Variants in PLBD2 observed in about 807,000 individuals in gnomAD.
The protein encoded by PLBD2 is phospholipase B domain containing 2.
PLBD2 carries 51 observed loss-of-function variants against 68.3 expected under a neutral mutation model. The ratio of observed to expected loss-of-function variants is 0.75; its 90% CI spans 0.60 to 0.94. The LOEUF (loss-of-function observed/expected upper bound fraction) is 0.94. Ranked by LOEUF, PLBD2 falls within the 40% of genes least tolerant of loss-of-function variation. The probability of loss-of-function intolerance (pLI) is 0.00; values close to 1 mark genes in which losing one functional copy is unlikely to be tolerated. For missense variants in PLBD2, 729 were observed against 792.2 expected, an observed-to-expected ratio of 0.92 and a Z score of 0.96; for synonymous variants, 314 against 339.3, an observed-to-expected ratio of 0.93 and a Z score of 0.82.
At position 113,384,208 on chromosome 12, in the gene PLBD2, G is replaced by A. The variant is rs776623243; in HGVS notation, c.1061G>A (p.Arg354His). Residue 354 changes from arginine (R) to histidine (H), a missense_variant, in exon 7 of 12, where the codon CGC becomes CAC. Physicochemically the swap from Arg to His is conservative, Grantham distance 29. Transcript: ENST00000280800. This position sits in a 1 kb window ranked among gnomAD's most constrained non-coding sequence, Gnocchi z 4.2. The stretch of plus-strand genomic sequence containing the variant: ...TGGGTACGCAACATCGTGGCCAACC[G>A]CCTGGCCTCGGATGGGGCCACCTGG... ...LEWVRNIVAN[R>H]LASDGATWAD... 46 of 1,613,876 alleles carry A rather than the reference G, an allele frequency of 2.9e-5. No individual in the cohort carries two copies. In the Middle Eastern group the frequency reaches 8.2e-4, roughly 29 times the overall value.
At chr12:113,370,801 T>G (rs1358763506) in intron 2 of PLBD2, among the ~76,000 whole-genome samples, 1 of 152,196 alleles carries the variant, frequency 6.6e-6, no homozygotes, top group Admixed American at 6.5e-5. Context: ...TATCAGGCAT[T>G]GATGACCACT....
rs1957401743 is a variant in PLBD2 at position 113,372,885 on chromosome 12, CT to C, written c.543+80del. ...CCTGTCTCCTGTTGTTCTGGCCAGC[CT>C]TGTGGCATGTCCAGCTGCCCAGCCG... On this transcript the variant is annotated intron_variant, in intron 3 of 11. Coordinates refer to ENST00000280800, the MANE Select transcript of PLBD2 (RefSeq NM_173542.4). The surrounding 1 kb of genome is among the most constrained non-coding windows in gnomAD (Gnocchi z 4.2). The C allele has an allele frequency of 6.6e-7, 1 of 1,526,306 alleles. No homozygotes were observed. 94.5% of individuals were successfully genotyped at this position (1,526,306 alleles called of 1,614,324 possible).
intron 1 of PLBD2, among the ~76,000 whole-genome samples, chr12:113,363,034 G>C (rs538364748): frequency 6.6e-6 from 1 of 151,640 alleles, no homozygotes; most frequent in Non-Finnish European, 1.5e-5. Flanking sequence ...GACGTCAGGT[G>C]ATCTGCCCAC....
rs1957609234 is a variant in PLBD2, at chr12:113,391,354, A to G, written c.*2728A>G. ...ATCTGTGAAATGGGGTAATGGTGTG[A>G]GCAGCGTTTCCCTGGGGGATGTGAT... is the stretch of plus-strand genomic sequence containing the variant. On this transcript the variant is annotated 3_prime_UTR_variant, in exon 12 of 12. Transcript: ENST00000280800. 1 of 152,236 alleles carries G rather than the reference A, an allele frequency of 6.6e-6. No individual in the cohort carries two copies. The highest frequency in any genetic ancestry group is 1.5e-5 in the Non-Finnish European group (1 of 68,054). The allele number at this position is 152,236 out of a possible 1,614,324, so 9.4% of individuals were successfully genotyped here. A position where few individuals can be genotyped will look rare whatever the true frequency, so the allele number is the denominator to read the frequency against.
At chr12:113,385,164 G>A in intron 8 of PLBD2, 48 bp from the exon 9 acceptor site, 1 of 1,594,086 alleles carries the variant, frequency 6.3e-7, no homozygotes, top group East Asian at 2.2e-5. Flanking sequence ...GTGCCCACAG[G>A]AGCCCCTTTT....
At chr12:113,380,621 G>A in intron 5 of PLBD2, 124 bp from the exon 6 acceptor site, 1 of 696,148 alleles carries the variant, frequency 1.4e-6, no homozygotes, top group Non-Finnish European at 2.5e-6. Context: ...TGACAAAAAG[G>A]ACACAGTGGG....
chr12:113,358,606 G>A lies in PLBD2; in HGVS notation c.6G>A (p.Val2=). The stretch of plus-strand genomic sequence containing the variant: ...GGGCGCAGCATTGTGCGGTCATGGT[G>A]GGCCAGATGTACTGCTACCCCGGCA... M[V]GQMYCYPGSH... is the part of the protein sequence containing the mutation. The change falls in exon 1 of 12, where the codon GTG becomes GTA. Residue 2 remains valine (V), a synonymous_variant. Transcript: ENST00000280800. 1 of 1,469,928 alleles carries A rather than the reference G, an allele frequency of 6.8e-7. No individual in the cohort carries two copies. The highest frequency in any genetic ancestry group is 8.9e-7 in the Non-Finnish European group (1 of 1,119,132). The allele number at this position is 1,469,928 out of a possible 1,614,324, so 91.1% of individuals were successfully genotyped here.
At chr12:113,387,154 G>A (rs1957560920) in intron 10 of PLBD2, 65 bp downstream of exon 10, 4 of 1,491,116 alleles carry the variant, frequency 2.7e-6, no homozygotes, top group Non-Finnish European at 3.6e-6. Flanking sequence ...CTTCCTGTGC[G>A]CTTTTTGTAC....
rs1274567713 is a variant in PLBD2, at chr12:113,374,775, T to C, written c.645-18T>C. 3 of 1,613,216 alleles carry C rather than the reference T, an allele frequency of 1.9e-6. No homozygotes were observed. Among genetic ancestry groups the C allele is most frequent in the Non-Finnish European group, 2.5e-6 (3 of 1,179,782 alleles). ...CACAGCAGGCGTGGTAACCCTCTGA[T>C]GCCCTGGCCCTCCTCAGCCTGCTGC... On this transcript the variant is annotated intron_variant, in intron 4 of 11. Coordinates refer to ENST00000280800, the MANE Select transcript of PLBD2 (RefSeq NM_173542.4).
chr12:113,383,207 T>C (rs1334490580), intron 6 of PLBD2, among the ~76,000 whole-genome samples: 2 of 152,152 alleles, frequency 1.3e-5, no homozygotes, highest in Non-Finnish European at 2.9e-5. Flanking sequence ...CCTAGTCCTC[T>C]GACTGCTGCA....
intron 5 of PLBD2, 102 bp downstream of exon 5, chr12:113,375,109 G>A (rs1447586453): frequency 1.3e-5 from 14 of 1,040,334 alleles, no homozygotes; most frequent in South Asian, 2.9e-5. Context: ...CCCAACACAC[G>A]GAGTCACTGC....
chr12:113,371,211 C>T (rs1957386839), intron 2 of PLBD2, among the ~76,000 whole-genome samples: 1 of 152,176 alleles, frequency 6.6e-6, no homozygotes, highest in Non-Finnish European at 1.5e-5. Flanking sequence ...CCTTAGGATC[C>T]AGCAGCCCTA....
rs144772607 is a variant in PLBD2 at position 113,362,695 on chromosome 12, C to T, written c.290+3805C>T. 3.3e-5 allele frequency among the ~76,000 whole-genome samples: 5 copies of T among 151,894 alleles called. No homozygotes were observed. The East Asian group carries it at 7.8e-4, about 24-fold the overall frequency. ...ACAAAGGAGAGCAATATTTGTCAAC[C>T]CCTGTCAGCGTTTATCTCATAAAAG... On this transcript the variant is annotated intron_variant, in intron 1 of 11. Transcript: ENST00000280800.
At position 113,384,862 on chromosome 12, in the gene PLBD2, A is replaced by G; in HGVS notation, c.1130A>G (p.Gln377Arg). 4 of 1,606,946 alleles carry G rather than the reference A, an allele frequency of 2.5e-6. No homozygotes were observed. The highest frequency in any genetic ancestry group is 3.4e-6 in the Non-Finnish European group (4 of 1,175,498). ...CCCCTGCCCGGCAGGTATAACAACC[A>G]GTGGATGATCGTGGACTACAAGGCG... ...KRFNSGTYNN[Q>R]WMIVDYKAFI... Residue 377 changes from glutamine to arginine, a missense_variant, in exon 8 of 12, where the codon CAG becomes CGG. Coordinates refer to ENST00000280800, the MANE Select transcript of PLBD2 (RefSeq NM_173542.4). This position sits in a 1 kb window ranked among gnomAD's most constrained non-coding sequence, Gnocchi z 4.2.
At chr12:113,387,712 A>C in intron 10 of PLBD2, 32 bp from the exon 11 acceptor site, 1 of 1,604,222 alleles carries the variant, frequency 6.2e-7, no homozygotes, top group Non-Finnish European at 8.5e-7. Context: ...CCTTCCTGGG[A>C]TGACTGATGT....
intron 5 of PLBD2, among the ~76,000 whole-genome samples, chr12:113,378,615 G>A (rs1957454941): frequency 1.3e-5 from 2 of 151,064 alleles, no homozygotes; most frequent in African/African-American, 2.4e-5. Flanking sequence ...TCCTGCCTCA[G>A]CCTCCCAAAG....
intron 2 of PLBD2, among the ~76,000 whole-genome samples, chr12:113,369,621 C>T (rs967784917): frequency 2.0e-5 from 3 of 152,082 alleles, no homozygotes; most frequent in Non-Finnish European, 2.9e-5. Flanking sequence ...AAAGGACTGA[C>T]GCACACCAGA....
chr12:113,384,035 A>C lies in PLBD2; in HGVS notation c.958-70A>C. ...AAAAAAAAAAATTTTTGGAGCCATG[A>C]CTGATGAAGTACTGCCACTTGGTGG... On this transcript the variant is annotated intron_variant, in intron 6 of 11. Transcript: ENST00000280800. The surrounding 1 kb of genome is among the most constrained non-coding windows in gnomAD (Gnocchi z 4.2). The C allele has an allele frequency of 8.3e-7, 1 of 1,208,200 alleles. No homozygotes were observed. Among genetic ancestry groups the C allele is most frequent in the Non-Finnish European group, 1.1e-6 (1 of 897,908 alleles). 74.8% of individuals were successfully genotyped at this position (1,208,200 alleles called of 1,614,324 possible). A position where few individuals can be genotyped will look rare whatever the true frequency, so the allele number is the denominator to read the frequency against.
At chr12:113,364,269 C>T (rs1365329862) in intron 1 of PLBD2, among the ~76,000 whole-genome samples, 1 of 152,216 alleles carries the variant, frequency 6.6e-6, no homozygotes, top group Non-Finnish European at 1.5e-5. Context: ...CCAGGTGTGC[C>T]CTGGAGGAGG....
Sources: gnomAD v4.1 joint callset for allele counts (sites outside exome capture counted in the v4.1 genomes callset) on GRCh38, gnomAD v4.1.1 for gene constraint, Gnocchi (gnomAD v3.1) non-coding constraint, MANE v1.5 for transcripts, NCBI Gene and HGNC (gene_info 2026-07-23, HGNC 2026-07-21) for gene names.